SLC3A2: variants seen among roughly 807,000 people sequenced by gnomAD.
SLC3A2 encodes the protein amino acid transporter heavy chain SLC3A2.
Under a neutral mutation model 48.5 loss-of-function variants are expected in SLC3A2, and 32 were observed. The observed-to-expected ratio is 0.66, with a 90% CI of 0.50 to 0.89. The LOEUF (loss-of-function observed/expected upper bound fraction) is 0.89, where lower values mean the gene tolerates loss of function less well. SLC3A2 is among the 40% of genes least tolerant of loss of function. The probability of loss-of-function intolerance (pLI) is 0.00; values close to 1 mark genes in which losing one functional copy is unlikely to be tolerated. For synonymous variants in SLC3A2, 277 were observed against 288.8 expected (o/e 0.96, Z 0.41); for missense variants, 587 against 680.7 (o/e 0.86, Z 1.53).
intron 7 of SLC3A2, among the ~76,000 whole-genome samples, chr11:62,886,042 C>T (rs567611785): frequency 6.1e-4 from 93 of 152,270 alleles, no homozygotes; most frequent in African/African-American, 2.1e-3. Flanking sequence ...GTAATCCTAG[C>T]ACTTTGGGAG....
In SLC3A2 at chr11:62,881,194, G is replaced by A. The variant is rs1391776459; in HGVS notation, c.171G>A (p.Ala57=). Residue 57 remains alanine, a synonymous_variant, in exon 1 of 9, where the codon GCG becomes GCA. Transcript: ENST00000338663. This position sits in a 1 kb window ranked among gnomAD's most constrained non-coding sequence, Gnocchi z 4.0. ...VAEDEAEAAA[A]AKFTGLSKEE... is the part of the protein sequence containing the mutation. ...AAGACGAGGCGGAGGCGGCAGCCGC[G>A]GCTAAGTTCACGGGCCTGTCCAAGG... 2 of 1,593,016 alleles carry A rather than the reference G, an allele frequency of 1.3e-6. No individual in the cohort carries two copies. Among genetic ancestry groups the A allele is most frequent in the Non-Finnish European group, 1.7e-6 (2 of 1,171,752 alleles).
rs1385071979 is a variant in SLC3A2 at position 62,883,931 on chromosome 11, T to C, written c.691-526T>C. 3 of 455,464 alleles carry C rather than the reference T, an allele frequency of 6.6e-6. No homozygotes were observed. The Admixed American group carries it at 7.1e-5, about 11-fold the overall frequency. The allele number at this position is 455,464 out of a possible 1,614,324, so 28.2% of individuals were successfully genotyped here. A position where few individuals can be genotyped will look rare whatever the true frequency, so the allele number is the denominator to read the frequency against. ...ACTGCCCTGGGGCTATGCTTTGAATTTCAATCTTTCATCCTTGGCCTTGCT... is the reference window on the plus strand; with the variant it reads ...ACTGCCCTGGGGCTATGCTTTGAATCTCAATCTTTCATCCTTGGCCTTGCT... On this transcript the variant is annotated intron_variant, in intron 3 of 8. Transcript: ENST00000338663.
rs1051055563 is a variant in SLC3A2, at chr11:62,857,056, C to T, written c.112+675C>T. 6.6e-5 allele frequency among the ~76,000 whole-genome samples: 10 copies of T among 152,130 alleles called. No individual in the cohort carries two copies. The South Asian group carries it at 1.2e-3, about 19-fold the overall frequency. ...CAGGCCGGTCTTGAACTCCTGACCT[C>T]GGGTGATCCGCCTGCCTCGGCCTCC... On this transcript the variant is annotated intron_variant, in intron 1 of 9. Coordinates refer to the SLC3A2 transcript ENST00000377889.
At chr11:62,880,831 C>T (rs961036850), upstream of SLC3A2, 10 of 1,285,984 alleles carry the variant, frequency 7.8e-6, no homozygotes, top group Admixed American at 2.2e-4. Flanking sequence ...CGAGGTTCCA[C>T]CTTAAGGGGC....
chr11:62,861,549 C>G (rs2085398282), intron 1 of SLC3A2, among the ~76,000 whole-genome samples: 1 of 152,198 alleles, frequency 6.6e-6, no homozygotes, highest in African/African-American at 2.4e-5. Flanking sequence ...CAGACTCAGT[C>G]TGGCTTCCTG....
At position 62,885,162 on chromosome 11, in the gene SLC3A2, C is replaced by G. The variant is rs201073647; in HGVS notation, c.819-15C>G. 6.8e-6 allele frequency: 11 copies of G among 1,613,108 alleles called. No individual in the cohort carries two copies. Among genetic ancestry groups the G allele is most frequent in the Non-Finnish European group, 9.3e-6 (11 of 1,179,708 alleles). ...TTTCTTGTGCTAACCTTGAACTCCT[C>G]CCTCCCCTCTGCAGGCTCTTGATTG... On this transcript the variant is annotated splice_polypyrimidine_tract_variant and intron_variant, in intron 5 of 8. Coordinates refer to ENST00000338663, the MANE Select transcript of SLC3A2 (RefSeq NM_001013251.3).
chr11:62,877,576 A>G (rs535669880), upstream of SLC3A2, among the ~76,000 whole-genome samples: 1 of 152,384 alleles, frequency 6.6e-6, no homozygotes, highest in East Asian at 1.9e-4. Context: ...GCAGAGGCAG[A>G]TGCATGGTGG....
chr11:62,871,414 A>AT (rs1267024757), intron 1 of SLC3A2, among the ~76,000 whole-genome samples: 1 of 149,774 alleles, frequency 6.7e-6, no homozygotes, highest in Non-Finnish European at 1.5e-5. Flanking sequence ...AATTTTTTGT[A>AT]TTTTTAGTAG....
upstream of SLC3A2, chr11:62,856,132 C>T (rs1434820329): frequency 1.1e-5 from 7 of 645,664 alleles, no homozygotes; most frequent in East Asian, 1.7e-4. Flanking sequence ...GTTTTCTCAC[C>T]CAGTGCATGT....
chr11:62,872,311 C>T lies in SLC3A2; in HGVS notation c.113-8708C>T, dbSNP rs1308486344. 2.6e-5 allele frequency among the ~76,000 whole-genome samples: 4 copies of T among 152,250 alleles called. 1 individual carries two copies. Among genetic ancestry groups the T allele is most frequent in the Middle Eastern group, 6.8e-3 (2 of 292 alleles). On this transcript the variant is annotated intron_variant, in intron 1 of 9. Transcript: ENST00000377889. ...GGCAGATCACTTGAACCCGGGAGTT[C>T]GAGACCAGCTTGGACAACATGACAA...
At chr11:62,884,314 A>C in intron 3 of SLC3A2, 143 bp from the exon 4 acceptor site, 1 of 771,904 alleles carries the variant, frequency 1.3e-6, no homozygotes. Flanking sequence ...TTTGTAGTGC[A>C]GGTGGGGAAG....
chr11:62,886,019 G>A (rs1271210828), intron 7 of SLC3A2, among the ~76,000 whole-genome samples: 20 of 152,202 alleles, frequency 1.3e-4, no homozygotes, highest in Non-Finnish European at 2.4e-4. Flanking sequence ...GCTGGGCACG[G>A]TGGCTCATGC....
intron 7 of SLC3A2, 91 bp downstream of exon 7, chr11:62,885,699 G>C: frequency 6.9e-7 from 1 of 1,442,072 alleles, no homozygotes; most frequent in Non-Finnish European, 9.6e-7. Context: ...CGTGAGCCTT[G>C]GGGTGAAAAC....
At position 62,869,008 on chromosome 11, in the gene SLC3A2, C is replaced by T. The variant is rs186205612; in HGVS notation, c.113-12011C>T. On this transcript the variant is annotated intron_variant, in intron 1 of 9. Transcript: ENST00000377889. Reference sequence around the variant, plus strand: ...CTGCCTCCCGTGTTCAAGTGATTCTCCCACCTCAGCCTCCCGAATAGCTGG... The same window carrying T: ...CTGCCTCCCGTGTTCAAGTGATTCTTCCACCTCAGCCTCCCGAATAGCTGG... 5.2e-3 allele frequency among the ~76,000 whole-genome samples: 792 copies of T among 152,070 alleles called. 6 individuals are homozygous for T. The highest frequency in any genetic ancestry group is 9.2e-3 in the Non-Finnish European group (626 of 67,972).
chr11:62,866,051 C>T (rs922872100), intron 1 of SLC3A2, among the ~76,000 whole-genome samples: 3 of 151,936 alleles, frequency 2.0e-5, no homozygotes, highest in Non-Finnish European at 1.5e-5. Flanking sequence ...CTTGGAACAC[C>T]ATTCTCTGGT....
At chr11:62,861,194 G>T (rs760519998) in intron 1 of SLC3A2, among the ~76,000 whole-genome samples, 1 of 149,548 alleles carries the variant, frequency 6.7e-6, no homozygotes, top group African/African-American at 2.5e-5. Context: ...AATTAGCTGC[G>T]TGTGGTGGTG....
At chr11:62,884,768 G>GA in intron 5 of SLC3A2, 78 bp downstream of exon 5, 1 of 1,128,186 alleles carries the variant, frequency 8.9e-7, no homozygotes, top group Non-Finnish European at 1.2e-6. Context: ...AAGAAGGGGG[G>GA]ATTCCTAGTC....
In SLC3A2 at chr11:62,885,372, G is replaced by A. The variant is rs1205859362; in HGVS notation, c.999+15G>A. ...GCAGCTGGAGTGTGAGTACCATGCT[G>A]GTGGGAAAGGGGGCAGATGGGAGAA... is the stretch of plus-strand genomic sequence containing the variant. On this transcript the variant is annotated intron_variant, in intron 6 of 8. Coordinates refer to ENST00000338663, the MANE Select transcript of SLC3A2 (RefSeq NM_001013251.3). The A allele has an allele frequency of 3.1e-6, 5 of 1,614,144 alleles. No individual in the cohort carries two copies. Among genetic ancestry groups the A allele is most frequent in the Non-Finnish European group, 3.4e-6 (4 of 1,179,986 alleles).
chr11:62,875,380 A>G (rs2085560440), intron 1 of SLC3A2, among the ~76,000 whole-genome samples: 3 of 152,268 alleles, frequency 2.0e-5, no homozygotes, highest in East Asian at 3.9e-4. Flanking sequence ...CCCCGTCTCT[A>G]CTAAAAATAC....
Sources: gnomAD v4.1 joint callset for allele counts (sites outside exome capture counted in the v4.1 genomes callset) on GRCh38, gnomAD v4.1.1 for gene constraint, Gnocchi (gnomAD v3.1) non-coding constraint, MANE v1.5 for transcripts, NCBI Gene and HGNC (gene_info 2026-07-23, HGNC 2026-07-21) for gene names.